ATRN: variants seen among roughly 807,000 people sequenced by gnomAD.
ATRN encodes the protein attractin.
A neutral mutation model predicts 178.7 loss-of-function variants in ATRN; 54 were observed. The ratio of observed to expected loss-of-function variants is 0.30; its 90% confidence interval spans 0.24 to 0.38. The LOEUF (loss-of-function observed/expected upper bound fraction) is 0.38, where lower values mean the gene tolerates loss of function less well. Ranked by LOEUF, ATRN falls within the 10% of genes least tolerant of loss-of-function variation. The probability of loss-of-function intolerance (pLI) is 1.00; values close to 1 mark genes in which losing one functional copy is unlikely to be tolerated. For missense variants in ATRN, 1,443 were observed against 1,815.1 expected (o/e 0.79, Z 3.73); for synonymous variants, 636 against 663.0 (o/e 0.96, Z 0.63).
At chr20:3,597,860 T>A in intron 21 of ATRN, 46 bp from the exon 22 acceptor site, 2 of 1,218,964 alleles carry the variant, frequency 1.6e-6, no homozygotes, top group Non-Finnish European at 2.4e-6. Flanking sequence ...CCTGTTCTAT[T>A]TTGTGTGTGT....
chr20:3,629,107 T>C (rs6051986), intron 25 of ATRN: 87,508 of 985,056 alleles, frequency 0.089, 10,070 homozygotes, highest in African/African-American at 0.53. Context: ...CCCAGAGCTG[T>C]GGCCGTCAGT....
At chr20:3,578,797 A>G (rs765733413) in intron 15 of ATRN, 25 bp downstream of exon 15, 1 of 1,595,062 alleles carries the variant, frequency 6.3e-7, no homozygotes, top group South Asian at 1.1e-5. Flanking sequence ...TCAAAACTTA[A>G]GTTTCTGGTT....
At chr20:3,565,282 G>A in intron 10 of ATRN, 66 bp from the exon 11 acceptor site, 1 of 1,280,356 alleles carries the variant, frequency 7.8e-7, no homozygotes. Context: ...TTTTCCCAAA[G>A]AAAATGTCAG....
chr20:3,514,842 A>T (rs2085185093), intron 1 of ATRN, among the ~76,000 whole-genome samples: 1 of 152,132 alleles, frequency 6.6e-6, no homozygotes, highest in South Asian at 2.1e-4. Flanking sequence ...CTCTAGTCCC[A>T]GCTGTTGGGG....
Position 3,646,760 on chromosome 20 carries a change from G to T in ATRN, c.4203G>T (p.Gln1401His), listed in dbSNP as rs750655817. 6.2e-7 allele frequency: 1 copy of T among 1,605,884 alleles called. No individual in the cohort carries two copies. The highest frequency in any genetic ancestry group is 1.3e-5 in the African/African-American group (1 of 74,808). ...CCAGCGCCCTGGTGGACATTTCTCA[G>T]CAGATGCCGATAGTGTACAAGGAGA... ...AVASALVDIS[Q>H]QMPIVYKEKS... is the part of the protein sequence containing the mutation. Residue 1401 changes from glutamine to histidine, a missense_variant, in exon 29 of 29, where the codon CAG becomes CAT. By Grantham distance (24) the Gln-to-His change is conservative (BLOSUM62 0). Coordinates refer to ENST00000262919, the MANE Select transcript of ATRN (RefSeq NM_139321.3).
chr20:3,621,446 C>G (rs1019253438), intron 24 of ATRN, among the ~76,000 whole-genome samples: 1 of 152,098 alleles, frequency 6.6e-6, no homozygotes, highest in South Asian at 2.1e-4. Flanking sequence ...ATGAACACAT[C>G]CAGAAGGCCC....
In ATRN at chr20:3,471,088, G is replaced by T; in HGVS notation, c.-20G>T. The T allele has an allele frequency of 6.6e-7, 1 of 1,506,464 alleles. No homozygotes were observed. The highest frequency in any genetic ancestry group is 8.8e-7 in the Non-Finnish European group (1 of 1,134,258). The allele number at this position is 1,506,464 out of a possible 1,614,324, so 93.3% of individuals were successfully genotyped here. A position where few individuals can be genotyped will look rare whatever the true frequency, so the allele number is the denominator to read the frequency against. On this transcript the variant is annotated 5_prime_UTR_variant, in exon 1 of 29. Coordinates refer to ENST00000262919, the MANE Select transcript of ATRN (RefSeq NM_139321.3). ...GTGTGTGTGTATGTGTTCGCGGGGC[G>T]CCGTCTCAGCCCCGGGAAGATGGTG...
intron 1 of ATRN, among the ~76,000 whole-genome samples, chr20:3,524,325 T>G (rs1262662716): frequency 1.3e-5 from 2 of 151,602 alleles, no homozygotes; most frequent in African/African-American, 2.4e-5. Context: ...AGAAGGACAT[T>G]ACATAATGTT....
chr20:3,494,746 A>G (rs2146095925), intron 1 of ATRN, among the ~76,000 whole-genome samples: 1 of 152,334 alleles, frequency 6.6e-6, no homozygotes, highest in African/African-American at 2.4e-5. Flanking sequence ...TGAGCTGGAA[A>G]TACAGCTTGG....
intron 24 of ATRN, among the ~76,000 whole-genome samples, chr20:3,613,737 G>A (rs1420300160): frequency 6.6e-6 from 1 of 151,854 alleles, no homozygotes; most frequent in African/African-American, 2.4e-5. Flanking sequence ...TAAAAATTGA[G>A]ATTCTCCTTT....
At chr20:3,617,990 G>A (rs2086866399) in intron 24 of ATRN, among the ~76,000 whole-genome samples, 1 of 152,182 alleles carries the variant, frequency 6.6e-6, no homozygotes, top group African/African-American at 2.4e-5. Context: ...TCACCCCGAC[G>A]CACAGGTGCA....
intron 1 of ATRN, among the ~76,000 whole-genome samples, chr20:3,507,906 T>C (rs890208306): frequency 6.6e-6 from 1 of 151,972 alleles, no homozygotes; most frequent in African/African-American, 2.4e-5. Flanking sequence ...GGTTTCACCA[T>C]GTTGGCCAGG....
At chr20:3,568,061 C>T (rs1234588334) in intron 11 of ATRN, among the ~76,000 whole-genome samples, 4 of 151,964 alleles carry the variant, frequency 2.6e-5, no homozygotes, top group Non-Finnish European at 4.4e-5. Context: ...GAGGCCGAGG[C>T]GGGTGGATCA....
intron 24 of ATRN, among the ~76,000 whole-genome samples, chr20:3,613,216 C>T (rs1568765029): frequency 6.6e-6 from 1 of 152,176 alleles, no homozygotes; most frequent in African/African-American, 2.4e-5. Context: ...GTTTGCCAAG[C>T]TTTCCTTGAA....
chr20:3,649,107 T>G lies in ATRN; in HGVS notation c.*2260T>G, dbSNP rs978923420. ...CGGTGGGGAAGCCGCTGAATCCACCTGCTTCTCCTTTGCAACCGACAGCAA... is the reference window on the plus strand; with the variant it reads ...CGGTGGGGAAGCCGCTGAATCCACCGGCTTCTCCTTTGCAACCGACAGCAA... On this transcript the variant is annotated 3_prime_UTR_variant, in exon 29 of 29. Transcript: ENST00000262919. 6.6e-5 allele frequency: 10 copies of G among 152,234 alleles called. No individual in the cohort carries two copies. Among genetic ancestry groups the G allele is most frequent in the Admixed American group, 6.5e-4 (10 of 15,280 alleles). 9.4% of individuals were successfully genotyped at this position (152,234 alleles called of 1,614,324 possible).
chr20:3,573,420 G>A (rs1469620876), intron 12 of ATRN, among the ~76,000 whole-genome samples: 2 of 152,162 alleles, frequency 1.3e-5, no homozygotes, highest in African/African-American at 4.8e-5. Flanking sequence ...TGTGGTTACT[G>A]GCTACCATAT....
chr20:3,471,229 C>T lies in ATRN; in HGVS notation c.122C>T (p.Pro41Leu). The T allele has an allele frequency of 2.1e-6, 3 of 1,460,588 alleles. No homozygotes were observed. The highest frequency in any genetic ancestry group is 2.7e-6 in the Non-Finnish European group (3 of 1,115,026). 90.5% of individuals were successfully genotyped at this position (1,460,588 alleles called of 1,614,324 possible). Residue 41 changes from proline to leucine, a missense_variant, in exon 1 of 29, where the codon CCG becomes CTG. By Grantham distance (98) the Pro-to-Leu change is moderately conservative. Around this residue, in one of 4 missense-constraint regions of ATRN, gnomAD observed 862 missense variants for 972.1 expected, o/e 0.89. Transcript: ENST00000262919. The stretch of plus-strand genomic sequence containing the variant: ...TGGGACGTGACCAGGGCTGGGAGGC[C>T]GGGGCTGGGGGCCGGGCTGCGCCTC... Reference protein sequence around the residue: ...WDWDVTRAGRPGLGAGLRLPR... With the variant: ...WDWDVTRAGRLGLGAGLRLPR...
intron 3 of ATRN, among the ~76,000 whole-genome samples, chr20:3,544,619 G>A (rs2085672271): frequency 6.6e-6 from 1 of 152,112 alleles, no homozygotes; most frequent in Non-Finnish European, 1.5e-5. Context: ...AAAGAACTCA[G>A]AACCACAATT....
At chr20:3,568,091 C>T (rs1209621841) in intron 11 of ATRN, among the ~76,000 whole-genome samples, 6 of 150,126 alleles carry the variant, frequency 4.0e-5, no homozygotes, top group Non-Finnish European at 7.4e-5. Flanking sequence ...GAGATCAAGA[C>T]TATCCTGGCT....
Sources: gnomAD v4.1 joint callset for allele counts (sites outside exome capture counted in the v4.1 genomes callset) on GRCh38, gnomAD v4.1.1 for gene constraint, gnomAD v4.1.1 regional missense constraint, MANE v1.5 for transcripts, NCBI Gene and HGNC (gene_info 2026-07-23, HGNC 2026-07-21) for gene names.